Variants in ARIH1 observed in about 807,000 individuals in gnomAD.
ARIH1 encodes ariadne RBR E3 ubiquitin protein ligase 1.
Under a neutral mutation model 85.0 loss-of-function variants are expected in ARIH1, and 8 were observed. The observed-to-expected ratio is 0.09, with a 90% CI of 0.06 to 0.17. ARIH1 has a LOEUF of 0.17. Among genes scored for constraint, ARIH1 ranks in the 10% least tolerant of loss-of-function variants. The pLI is 1.00. For missense variants in ARIH1, 311 were observed against 718.1 expected, an observed-to-expected ratio of 0.43 and a Z score of 6.48; for synonymous variants, 238 against 253.6, an observed-to-expected ratio of 0.94 and a Z score of 0.59.
intron 2 of ARIH1, among the ~76,000 whole-genome samples, chr15:72,519,491 T>TG (rs2063989928): frequency 7.3e-6 from 1 of 137,844 alleles, no homozygotes; most frequent in African/African-American, 2.7e-5. Context: ...TTTTTTTTTT[T>TG]TTTTTTTTTG....
chr15:72,555,563 G>A (rs1385369274), intron 4 of ARIH1, among the ~76,000 whole-genome samples, 200 bp downstream of exon 4: 1 of 152,134 alleles, frequency 6.6e-6, no homozygotes, highest in African/African-American at 2.4e-5. Context: ...TTTCTCAGCC[G>A]GCATCAATAT....
chr15:72,484,362 A>G (rs772511661), intron 1 of ARIH1, among the ~76,000 whole-genome samples: 8 of 152,022 alleles, frequency 5.3e-5, no homozygotes, highest in Non-Finnish European at 8.8e-5. Flanking sequence ...TGGTGCACCC[A>G]TCATCTGAGC....
intron 1 of ARIH1, among the ~76,000 whole-genome samples, chr15:72,503,818 C>A (rs747161272): frequency 1.3e-5 from 2 of 152,198 alleles, no homozygotes; most frequent in African/African-American, 4.8e-5. Context: ...CAAGTGAATG[C>A]GGGATCTGGC....
rs141628879 is a variant in ARIH1 at position 72,585,422 on chromosome 15, G to A, written c.*2130G>A. The stretch of plus-strand genomic sequence containing the variant: ...ATTAAAACTAAGGAGTTTTTTTAAA[G>A]AAAGCCTGAATAAGTTCCTTTCCCT... On this transcript the variant is annotated 3_prime_UTR_variant, in exon 14 of 14. Coordinates refer to ENST00000379887, the MANE Select transcript of ARIH1 (RefSeq NM_005744.5). 4 of 152,008 alleles carry A rather than the reference G, an allele frequency of 2.6e-5. No homozygotes were observed. Among genetic ancestry groups the A allele is most frequent in the African/African-American group, 9.6e-5 (4 of 41,480 alleles). The allele number at this position is 152,008 out of a possible 1,614,324, so 9.4% of individuals were successfully genotyped here.
At chr15:72,565,143 C>T (rs1595871393) in intron 7 of ARIH1, among the ~76,000 whole-genome samples, 1 of 152,250 alleles carries the variant, frequency 6.6e-6, no homozygotes, top group East Asian at 1.9e-4. Context: ...CGCACTGTAA[C>T]CTTTGCTTCT....
At position 72,584,233 on chromosome 15, in the gene ARIH1, A is replaced by G. The variant is rs2064306656; in HGVS notation, c.*941A>G. The G allele has an allele frequency of 6.6e-6, 1 of 152,134 alleles. No individual in the cohort carries two copies. Among genetic ancestry groups the G allele is most frequent in the Non-Finnish European group, 1.5e-5 (1 of 68,034 alleles). The allele number at this position is 152,134 out of a possible 1,614,324, so 9.4% of individuals were successfully genotyped here. On this transcript the variant is annotated 3_prime_UTR_variant, in exon 14 of 14. Coordinates refer to ENST00000379887, the MANE Select transcript of ARIH1 (RefSeq NM_005744.5). ...GGACAAGGGAGGTCAAGCTCTGACTAATGCCATGACCTGATTAAGGGGTAC... is the reference window on the plus strand; with the variant it reads ...GGACAAGGGAGGTCAAGCTCTGACTGATGCCATGACCTGATTAAGGGGTAC...
In ARIH1 at chr15:72,584,295, C is replaced by T. The variant is rs1047180999; in HGVS notation, c.*1003C>T. On this transcript the variant is annotated 3_prime_UTR_variant, in exon 14 of 14. Transcript: ENST00000379887. ...TTGTTGCTACAGCTCATGAATTAAC[C>T]TGTCCCAACCTAATCCCCCTCCATG... 6 of 152,342 alleles carry T rather than the reference C, an allele frequency of 3.9e-5. No individual in the cohort carries two copies. In the East Asian group the frequency reaches 1.2e-3, roughly 29 times the overall value. 9.4% of individuals were successfully genotyped at this position (152,342 alleles called of 1,614,324 possible). A position where few individuals can be genotyped will look rare whatever the true frequency, so the allele number is the denominator to read the frequency against.
At chr15:72,512,924 A>T (rs997677343) in intron 1 of ARIH1, among the ~76,000 whole-genome samples, 3 of 151,772 alleles carry the variant, frequency 2.0e-5, no homozygotes, top group Admixed American at 6.6e-5. Flanking sequence ...ACTGCTGCTA[A>T]TTTTTCTTGT....
chr15:72,536,234 A>G (rs914889745), intron 2 of ARIH1, among the ~76,000 whole-genome samples: 4 of 152,106 alleles, frequency 2.6e-5, no homozygotes, highest in African/African-American at 9.7e-5. Flanking sequence ...TCTTTTGTAA[A>G]TGTCCTCCAT....
At chr15:72,580,571 T>C (rs895930708) in intron 11 of ARIH1, 160 bp from the exon 12 acceptor site, 2 of 686,954 alleles carry the variant, frequency 2.9e-6, no homozygotes, top group South Asian at 2.1e-5. Context: ...AGAGTCTCCT[T>C]CTTTCTTTAT....
chr15:72,484,187 A>AG (rs1356832416), intron 1 of ARIH1, among the ~76,000 whole-genome samples: 3 of 149,974 alleles, frequency 2.0e-5, no homozygotes, highest in African/African-American at 7.3e-5. Context: ...AAAAAAAAAA[A>AG]AAGAAGAAAA....
chr15:72,574,534 A>G (rs903374627), intron 11 of ARIH1, among the ~76,000 whole-genome samples: 1 of 152,210 alleles, frequency 6.6e-6, no homozygotes, highest in Non-Finnish European at 1.5e-5. Context: ...CAAAAGATGT[A>G]CCTGTGTTAT....
At chr15:72,512,796 T>C (rs1190923868) in intron 1 of ARIH1, among the ~76,000 whole-genome samples, 1 of 152,110 alleles carries the variant, frequency 6.6e-6, no homozygotes, top group Non-Finnish European at 1.5e-5. Context: ...TGGTTTAATT[T>C]GGAAGTAGGC....
intron 13 of ARIH1, 96 bp from the exon 14 acceptor site, chr15:72,583,112 G>C (rs2064301061): frequency 1.1e-6 from 1 of 939,928 alleles, no homozygotes; most frequent in African/African-American, 1.7e-5. Flanking sequence ...TCCGAGTCTG[G>C]ATAAACTATA....
rs2064358763 is a variant in ARIH1 at position 72,595,155 on chromosome 15, G to C, written c.*11863G>C. 2 of 152,222 alleles carry C rather than the reference G, an allele frequency of 1.3e-5. No homozygotes were observed. Among genetic ancestry groups the C allele is most frequent in the Non-Finnish European group, 2.9e-5 (2 of 68,046 alleles). The allele number at this position is 152,222 out of a possible 1,614,324, so 9.4% of individuals were successfully genotyped here. On this transcript the variant is annotated 3_prime_UTR_variant, in exon 14 of 14. Transcript: ENST00000379887. ...TTGGCAAACTGTGGCCCATGGGCCA[G>C]ATCCAGCCCATGGACAGTTTTGTTG... is the stretch of plus-strand genomic sequence containing the variant.
At chr15:72,539,324 TTAAA>T (rs1223538491) in intron 2 of ARIH1, among the ~76,000 whole-genome samples, 1 of 152,086 alleles carries the variant, frequency 6.6e-6, no homozygotes, top group African/African-American at 2.4e-5. Flanking sequence ...CACAGTAGTC[TTAAA>T]TAAAACAATC....
At chr15:72,545,001 G>C (rs1413393398) in intron 3 of ARIH1, 37 bp downstream of exon 3, 2 of 1,489,512 alleles carry the variant, frequency 1.3e-6, no homozygotes, top group African/African-American at 2.8e-5. Flanking sequence ...TGCTGACTTT[G>C]TATTTCAGAG....
At chr15:72,574,529 G>A (rs908190713) in intron 11 of ARIH1, among the ~76,000 whole-genome samples, 5 of 152,192 alleles carry the variant, frequency 3.3e-5, no homozygotes, top group Admixed American at 3.3e-4. Context: ...CCCTGCAAAA[G>A]ATGTACCTGT....
chr15:72,572,384 C>CAT, intron 11 of ARIH1: 17 of 376,248 alleles, frequency 4.5e-5, no homozygotes, highest in South Asian at 8.4e-5. Flanking sequence ...ATTACAGGTG[C>CAT]GCGCCACCAC....
Sources: gnomAD v4.1 joint callset for allele counts (sites outside exome capture counted in the v4.1 genomes callset) on GRCh38, gnomAD v4.1.1 for gene constraint, MANE v1.5 for transcripts, NCBI Gene and HGNC (gene_info 2026-07-23, HGNC 2026-07-21) for gene names.